The following ANKRD44 variants were observed in gnomAD, a reference collection of about 807,000 sequenced individuals.
The protein encoded by ANKRD44 is serine/threonine-protein phosphatase 6 regulatory ankyrin repeat subunit B.
A neutral mutation model predicts 116.0 loss-of-function variants in ANKRD44; 35 were observed. That is an observed-to-expected ratio of 0.30 (90% CI 0.23 to 0.40). ANKRD44 has a LOEUF of 0.40. Ranked by LOEUF, ANKRD44 falls within the 10% of genes least tolerant of loss-of-function variation. ANKRD44 has a pLI of 1.00. For missense variants in ANKRD44, 1,014 were observed against 1,242.6 expected (o/e 0.82, Z 2.77); for synonymous variants, 435 against 461.8 (o/e 0.94, Z 0.74).
intron 1 of ANKRD44, among the ~76,000 whole-genome samples, chr2:197,224,568 T>A (rs1256429578): frequency 6.6e-6 from 1 of 152,230 alleles, no homozygotes; most frequent in Admixed American, 6.5e-5. Context: ...CCTTTTTGTA[T>A]ATTTAAATTT....
At chr2:197,263,296 C>T (rs1574393164) in intron 1 of ANKRD44, 10 of 652,420 alleles carry the variant, frequency 1.5e-5, no homozygotes, top group East Asian at 1.0e-4. Flanking sequence ...TGGAAAGCAG[C>T]GCCATTTCAA....
At chr2:197,020,963 G>A (rs1343339900) in intron 17 of ANKRD44, among the ~76,000 whole-genome samples, 2 of 151,236 alleles carry the variant, frequency 1.3e-5, no homozygotes, top group East Asian at 1.9e-4. Flanking sequence ...CCCATCCCAC[G>A]ACAGGCCCAG....
At chr2:197,206,378 A>G (rs186803515) in intron 1 of ANKRD44, among the ~76,000 whole-genome samples, 28 of 152,334 alleles carry the variant, frequency 1.8e-4, no homozygotes, top group African/African-American at 6.7e-4. Flanking sequence ...TGTTTAGGGA[A>G]GTAATTTCAA....
chr2:196,984,923 G>A (rs1419636550), downstream of ANKRD44, among the ~76,000 whole-genome samples: 3 of 152,212 alleles, frequency 2.0e-5, no homozygotes, highest in Non-Finnish European at 4.4e-5. Context: ...TTGCCCTTGA[G>A]TATAGATTGG....
intron 1 of ANKRD44, among the ~76,000 whole-genome samples, chr2:197,249,385 C>T (rs1030292552): frequency 3.9e-5 from 6 of 152,286 alleles, no homozygotes; most frequent in South Asian, 2.1e-4. Flanking sequence ...AGGGCAAGAT[C>T]GGTATTATTA....
intron 7 of ANKRD44, among the ~76,000 whole-genome samples, chr2:197,121,985 A>G (rs2078867242): frequency 6.6e-6 from 1 of 152,096 alleles, no homozygotes; most frequent in South Asian, 2.1e-4. Flanking sequence ...GAGTCTAAAC[A>G]TGGAAGGCGG....
chr2:197,208,795 G>A (rs1047297582), intron 1 of ANKRD44, among the ~76,000 whole-genome samples: 4 of 151,790 alleles, frequency 2.6e-5, no homozygotes, highest in African/African-American at 9.7e-5. Flanking sequence ...GCGAGACTCT[G>A]TCTCAAAAAA....
intron 17 of ANKRD44, chr2:197,015,494 T>G: frequency 4.2e-6 from 2 of 481,284 alleles, no homozygotes; most frequent in East Asian, 4.1e-5. Flanking sequence ...ACCCATTCTA[T>G]ACAAGAGATG....
intron 1 of ANKRD44, among the ~76,000 whole-genome samples, chr2:197,200,556 C>T (rs2125658270): frequency 6.6e-6 from 1 of 152,242 alleles, no homozygotes; most frequent in Non-Finnish European, 1.5e-5. Context: ...ATCACACTAA[C>T]ACTAATTTAA....
intron 10 of ANKRD44, 137 bp from the exon 11 acceptor site, chr2:197,090,169 T>A: frequency 1.6e-6 from 1 of 622,862 alleles, no homozygotes; most frequent in Non-Finnish European, 2.8e-6. Flanking sequence ...AATTTGGTAA[T>A]TCTTCCATTC....
chr2:197,170,215 C>A (rs1242447630), intron 2 of ANKRD44, among the ~76,000 whole-genome samples: 27 of 119,200 alleles, frequency 2.3e-4, no homozygotes, highest in South Asian at 5.6e-4. Flanking sequence ...AAAAAAAAAA[C>A]TGGGAGGCAT....
At chr2:197,063,059 G>A (rs892256073) in intron 16 of ANKRD44, among the ~76,000 whole-genome samples, 2 of 152,202 alleles carry the variant, frequency 1.3e-5, no homozygotes, top group African/African-American at 4.8e-5. Context: ...CTAACTGGGA[G>A]GCACCCTCCA....
At chr2:197,111,465 C>A (rs1483898292) in intron 8 of ANKRD44, among the ~76,000 whole-genome samples, 1 of 151,928 alleles carries the variant, frequency 6.6e-6, no homozygotes, top group Non-Finnish European at 1.5e-5. Flanking sequence ...ATGGTGAAAC[C>A]CCATCTCTAC....
chr2:197,033,251 C>A (rs1357350205), intron 16 of ANKRD44, among the ~76,000 whole-genome samples: 1 of 151,878 alleles, frequency 6.6e-6, no homozygotes, highest in Non-Finnish European at 1.5e-5. Flanking sequence ...AAAGAGTAGA[C>A]AGAGAGGCTG....
intron 1 of ANKRD44, among the ~76,000 whole-genome samples, chr2:197,232,901 A>G (rs912078154): frequency 6.6e-6 from 1 of 152,198 alleles, no homozygotes; most frequent in Non-Finnish European, 1.5e-5. Flanking sequence ...ACACAACCTC[A>G]TATTTGTAAA....
chr2:197,088,650 AGTC>A lies in ANKRD44; in HGVS notation c.1247+58_1247+60del, dbSNP rs2077978591. 5 of 16,866 alleles carry A rather than the reference AGTC, an allele frequency of 3.0e-4. No individual in the cohort carries two copies. The Non-Finnish European group carries it at 3.6e-3, about 12-fold the overall frequency. 1.0% of individuals were successfully genotyped at this position (16,866 alleles called of 1,614,324 possible). A position where few individuals can be genotyped will look rare whatever the true frequency, so the allele number is the denominator to read the frequency against. On this transcript the variant is annotated intron_variant, in intron 12 of 27. Transcript: ENST00000282272. Reference sequence around the variant, plus strand: ...TTGCCTTTGATTCACAGACAACTTAAGTCAAGTCAATAAAGATGAATTAGTAAC... The same window carrying A: ...TTGCCTTTGATTCACAGACAACTTAAAAGTCAATAAAGATGAATTAGTAAC...
intron 3 of ANKRD44, among the ~76,000 whole-genome samples, chr2:197,142,260 A>G (rs542401332): frequency 6.6e-6 from 1 of 152,324 alleles, no homozygotes; most frequent in African/African-American, 2.4e-5. Flanking sequence ...TCTAGAAAGA[A>G]GTAGAATAAA....
At chr2:197,068,379 G>GAAAAAAAAAAAAAAAAA (rs1196504516) in intron 16 of ANKRD44, among the ~76,000 whole-genome samples, 1 of 50,882 alleles carries the variant, frequency 2.0e-5, no homozygotes. Context: ...ATAAAAAAAA[G>GAAAAAAAAAAAAAAAAA]AAAAAAATAA....
chr2:197,087,194 T>C (rs2077945725), intron 12 of ANKRD44, among the ~76,000 whole-genome samples: 1 of 152,208 alleles, frequency 6.6e-6, no homozygotes, highest in African/African-American at 2.4e-5. Context: ...TTCACCATGA[T>C]AACCACTTTC....
Sources: allele counts gnomAD v4.1 joint callset (sites outside exome capture counted in the v4.1 genomes callset), GRCh38; gene constraint gnomAD v4.1.1; transcripts MANE v1.5; gene names NCBI Gene and HGNC (gene_info 2026-07-23, HGNC 2026-07-21).